CDH12: variants seen among roughly 807,000 people sequenced by gnomAD.
CDH12 encodes the protein cadherin 12.
Under a neutral mutation model 74.1 loss-of-function variants are expected in CDH12, and 41 were observed. That is an observed-to-expected ratio of 0.55 (90% CI 0.43 to 0.72). The LOEUF (loss-of-function observed/expected upper bound fraction) is 0.72, where lower values mean the gene tolerates loss of function less well. Ranked by LOEUF, CDH12 falls within the 30% of genes least tolerant of loss-of-function variation. The pLI, the probability that CDH12 is intolerant of heterozygous loss-of-function variation, is 0.00. For missense variants in CDH12, 945 were observed against 977.2 expected (o/e 0.97, Z 0.44); for synonymous variants, 399 against 355.0 (o/e 1.12, Z -1.39).
At chr5:22,695,306 C>T (rs532696246) in intron 1 of CDH12, among the ~76,000 whole-genome samples, 33 of 152,092 alleles carry the variant, frequency 2.2e-4, no homozygotes, top group Admixed American at 1.2e-3. Context: ...AATAAACATA[C>T]GTTTGTATGT....
chr5:22,835,965 A>G (rs186200813), intron 1 of CDH12, among the ~76,000 whole-genome samples: 54 of 152,288 alleles, frequency 3.5e-4, no homozygotes, highest in Middle Eastern at 6.8e-3. Context: ...ATGATGTTGG[A>G]AACTGCAATC....
At chr5:22,089,259 T>A (rs2150235827) in intron 4 of CDH12, among the ~76,000 whole-genome samples, 1 of 152,306 alleles carries the variant, frequency 6.6e-6, no homozygotes, top group East Asian at 1.9e-4. Context: ...GACTGGTGGT[T>A]CAGTAATTAG....
intron 8 of CDH12, among the ~76,000 whole-genome samples, chr5:21,831,757 G>T (rs879889077): frequency 6.6e-6 from 1 of 152,004 alleles, no homozygotes; most frequent in African/African-American, 2.4e-5. Context: ...TTGCAGGAAG[G>T]CCAAAAGGTG....
intron 6 of CDH12, among the ~76,000 whole-genome samples, chr5:21,868,963 T>C (rs1751476596): frequency 6.6e-6 from 1 of 152,164 alleles, no homozygotes; most frequent in African/African-American, 2.4e-5. Flanking sequence ...AAATTTTTGC[T>C]TCTTGTTCCT....
At chr5:22,629,976 A>C (rs1202419655) in intron 1 of CDH12, among the ~76,000 whole-genome samples, 1 of 152,124 alleles carries the variant, frequency 6.6e-6, no homozygotes. Context: ...GTCCATGCTG[A>C]GTGCCAAATC....
At chr5:22,071,198 T>C (rs1201424661) in intron 5 of CDH12, among the ~76,000 whole-genome samples, 3 of 152,016 alleles carry the variant, frequency 2.0e-5, no homozygotes, top group Non-Finnish European at 2.9e-5. Flanking sequence ...AAATAATATT[T>C]TCTTTTTTTC....
At position 22,303,716 on chromosome 5, in the gene CDH12, G is replaced by A. The variant is rs1395161910; in HGVS notation, c.-332-91073C>T. ...CTGCCACTGAAGCCAGTTCATGACCGATTATCTTACAAATTTATAACATTT... is the reference window on the plus strand; with the variant it reads ...CTGCCACTGAAGCCAGTTCATGACCAATTATCTTACAAATTTATAACATTT... On this transcript the variant is annotated intron_variant, in intron 3 of 14. Transcript: ENST00000382254. Among the ~76,000 whole-genome samples the A allele has an allele frequency of 2.6e-5, 4 of 152,054 alleles. No individual in the cohort carries two copies. The East Asian group carries it at 5.8e-4, about 22-fold the overall frequency.
At chr5:21,852,270 T>C (rs1367190126) in intron 7 of CDH12, among the ~76,000 whole-genome samples, 3 of 151,390 alleles carry the variant, frequency 2.0e-5, no homozygotes, top group Non-Finnish European at 4.4e-5. Flanking sequence ...CTGTCTCCAG[T>C]GAAAATCAAT....
chr5:21,944,276 A>G (rs1385639671), intron 6 of CDH12, among the ~76,000 whole-genome samples: 2 of 152,182 alleles, frequency 1.3e-5, no homozygotes, highest in Admixed American at 6.5e-5. Flanking sequence ...GTGTGTAGAA[A>G]GAAAATGTGA....
At chr5:21,928,154 T>C (rs1184537216) in intron 6 of CDH12, among the ~76,000 whole-genome samples, 2 of 151,908 alleles carry the variant, frequency 1.3e-5, no homozygotes, top group Non-Finnish European at 2.9e-5. Context: ...ATGACTATGA[T>C]CATCTGCCAT....
chr5:21,883,450 T>A (rs1752464706), intron 6 of CDH12: 1 of 1,609,440 alleles, frequency 6.2e-7, no homozygotes, highest in African/African-American at 1.3e-5. Context: ...AGTACACTCA[T>A]CTTGAATAGG....
At chr5:22,515,061 G>C (rs1359676929) in intron 1 of CDH12, among the ~76,000 whole-genome samples, 2 of 151,936 alleles carry the variant, frequency 1.3e-5, no homozygotes, top group African/African-American at 4.8e-5. Context: ...CTTGCAACAG[G>C]AGATAAAGGT....
chr5:21,835,131 G>C (rs1749457378), intron 8 of CDH12, among the ~76,000 whole-genome samples: 1 of 151,838 alleles, frequency 6.6e-6, no homozygotes, highest in Non-Finnish European at 1.5e-5. Context: ...TGTGGGAGGT[G>C]AGAGAGGCAT....
chr5:22,534,601 A>C (rs1476585913), intron 1 of CDH12, among the ~76,000 whole-genome samples: 1 of 152,104 alleles, frequency 6.6e-6, no homozygotes, highest in Non-Finnish European at 1.5e-5. Flanking sequence ...TCCAAGTTAG[A>C]CTACTGATTA....
At chr5:22,692,212 G>T (rs1172675746) in intron 1 of CDH12, among the ~76,000 whole-genome samples, 1 of 152,198 alleles carries the variant, frequency 6.6e-6, no homozygotes, top group Non-Finnish European at 1.5e-5. Context: ...CTTCCACCAT[G>T]AACTGAAGCA....
chr5:22,825,265 T>C (rs1026084542), intron 1 of CDH12, among the ~76,000 whole-genome samples: 1 of 151,460 alleles, frequency 6.6e-6, no homozygotes, highest in Admixed American at 6.6e-5. Flanking sequence ...TACATATATA[T>C]ACTTACACAT....
intron 1 of CDH12, among the ~76,000 whole-genome samples, chr5:22,522,928 C>A (rs1737117292): frequency 6.6e-6 from 1 of 152,094 alleles, no homozygotes; most frequent in Non-Finnish European, 1.5e-5. Context: ...TAAAAAATTT[C>A]TTGAAAAAAG....
intron 1 of CDH12, among the ~76,000 whole-genome samples, chr5:22,530,085 G>A (rs1327253575): frequency 2.6e-5 from 4 of 152,076 alleles, no homozygotes; most frequent in African/African-American, 4.8e-5. Flanking sequence ...CAAATTGTTC[G>A]ATAGTATTAA....
intron 1 of CDH12, among the ~76,000 whole-genome samples, chr5:22,714,411 G>A (rs1337704430): frequency 6.6e-6 from 1 of 152,090 alleles, no homozygotes; most frequent in Non-Finnish European, 1.5e-5. Context: ...CTTTTCATTT[G>A]ATCACCAGCC....
Sources: gnomAD v4.1 joint callset for allele counts (sites outside exome capture counted in the v4.1 genomes callset) on GRCh38, gnomAD v4.1.1 for gene constraint, MANE v1.5 for transcripts, NCBI Gene and HGNC (gene_info 2026-07-23, HGNC 2026-07-21) for gene names.